Variants in PPME1 observed in about 807,000 individuals in gnomAD.
PPME1 encodes the protein testicular secretory protein Li 39.
A neutral mutation model predicts 56.9 loss-of-function variants in PPME1; 17 were observed. That is an observed-to-expected ratio of 0.30 (90% CI 0.20 to 0.45). The LOEUF (loss-of-function observed/expected upper bound fraction) is 0.45. Among genes scored for constraint, PPME1 ranks in the 20% least tolerant of loss-of-function variants. PPME1 has a pLI of 1.00. For missense variants in PPME1, 357 were observed against 483.2 expected (o/e 0.74, Z 2.45); for synonymous variants, 122 against 156.2 (o/e 0.78, Z 1.63).
At chr11:74,249,011 T>C (rs1859582408) in intron 11 of PPME1, 1 of 152,216 alleles carries the variant, frequency 6.6e-6, no homozygotes, top group Admixed American at 6.5e-5. Context: ...TACAGTTACA[T>C]GAAGTTTAAA....
intron 3 of PPME1, chr11:74,205,262 T>C (rs1206903211): frequency 1.3e-5 from 2 of 152,258 alleles, no homozygotes; most frequent in Non-Finnish European, 2.9e-5. Context: ...ATTTGGCTAA[T>C]GATACTGTGG....
intron 9 of PPME1, among the ~76,000 whole-genome samples, chr11:74,244,583 A>G (rs986830573): frequency 1.3e-5 from 2 of 152,186 alleles, no homozygotes; most frequent in African/African-American, 4.8e-5. Context: ...ATGTCTATTC[A>G]AGCCCTTTGA....
chr11:74,226,772 CA>C (rs1858941470), intron 5 of PPME1, among the ~76,000 whole-genome samples: 1 of 152,010 alleles, frequency 6.6e-6, no homozygotes, highest in African/African-American at 2.4e-5. Flanking sequence ...AAAGAGAAAC[CA>C]TGTAGTAATT....
At position 74,201,931 on chromosome 11, in the gene PPME1, A is replaced by G. The variant is rs190127265; in HGVS notation, c.102-1797A>G. Among the ~76,000 whole-genome samples the G allele has an allele frequency of 3.8e-3, 582 of 152,262 alleles. 3 individuals carry two copies. Among genetic ancestry groups the G allele is most frequent in the Non-Finnish European group, 6.5e-3 (442 of 67,998 alleles). ...TCTAAGTTCTGCTTTTAGTTTTCCC[A>G]TAGGATTTCAAGTGCAACCAGAAAA... is the stretch of plus-strand genomic sequence containing the variant. On this transcript the variant is annotated intron_variant, in intron 1 of 13. Transcript: ENST00000328257.
chr11:74,183,126 A>G (rs1029884282), intron 1 of PPME1, among the ~76,000 whole-genome samples: 1 of 152,086 alleles, frequency 6.6e-6, no homozygotes, highest in African/African-American at 2.4e-5. Context: ...GTGAGACCAC[A>G]TCGCTACAAA....
intron 3 of PPME1, among the ~76,000 whole-genome samples, chr11:74,216,790 T>C (rs1040107061): frequency 6.6e-6 from 1 of 152,004 alleles, no homozygotes; most frequent in African/African-American, 2.4e-5. Flanking sequence ...AAAGGAGACA[T>C]TGCACCTGAT....
At chr11:74,220,579 C>T (rs1050837012) in intron 3 of PPME1, among the ~76,000 whole-genome samples, 15 of 152,140 alleles carry the variant, frequency 9.9e-5, no homozygotes, top group Admixed American at 9.8e-4. Context: ...CTTAATCTCT[C>T]TGTAAAATGC....
chr11:74,183,918 A>C (rs1857604330), intron 1 of PPME1, among the ~76,000 whole-genome samples: 1 of 152,204 alleles, frequency 6.6e-6, no homozygotes, highest in Non-Finnish European at 1.5e-5. Context: ...ACATTTTCCC[A>C]ATAGCAATAG....
chr11:74,239,382 A>G (rs1464523839), intron 9 of PPME1, 126 bp downstream of exon 9: 24 of 1,379,610 alleles, frequency 1.7e-5, no homozygotes, highest in Non-Finnish European at 2.2e-5. Flanking sequence ...CCAAGACACT[A>G]TCATAAGAGA....
chr11:74,214,519 G>T (rs1005290909), intron 3 of PPME1, among the ~76,000 whole-genome samples: 2 of 151,808 alleles, frequency 1.3e-5, no homozygotes, highest in African/African-American at 4.8e-5. Context: ...CTACCTCAAG[G>T]CATTTAATAA....
intron 3 of PPME1, among the ~76,000 whole-genome samples, chr11:74,213,007 A>G (rs1207843851): frequency 6.6e-6 from 1 of 152,142 alleles, no homozygotes; most frequent in Admixed American, 6.5e-5. Flanking sequence ...GTTAGGTGCC[A>G]GTGGGGTAGA....
intron 1 of PPME1, among the ~76,000 whole-genome samples, chr11:74,199,429 G>A (rs12789217): frequency 6.6e-5 from 10 of 152,074 alleles, no homozygotes; most frequent in Admixed American, 1.3e-4. Context: ...CCTTATACAC[G>A]TAATAGGTTC....
Position 74,180,604 on chromosome 11 carries a change from A to C in PPME1, c.101+9082A>C, listed in dbSNP as rs567124725. The stretch of plus-strand genomic sequence containing the variant: ...GAGATTTAAAATAATTATATGGTCG[A>C]AACTCTTGTAATAGGTCTTGTAATA... On this transcript the variant is annotated intron_variant, in intron 1 of 13. Transcript: ENST00000328257. 1.2e-4 allele frequency among the ~76,000 whole-genome samples: 19 copies of C among 152,348 alleles called. No individual in the cohort carries two copies. In the South Asian group the frequency reaches 3.7e-3, roughly 30 times the overall value.
chr11:74,235,214 G>A (rs190346364), intron 7 of PPME1, among the ~76,000 whole-genome samples: 109 of 152,300 alleles, frequency 7.2e-4, no homozygotes, highest in African/African-American at 2.5e-3. Flanking sequence ...TGGGAATGCA[G>A]TCATTTTGCT....
chr11:74,188,130 G>C (rs1857735677), intron 1 of PPME1, among the ~76,000 whole-genome samples: 1 of 151,856 alleles, frequency 6.6e-6, no homozygotes, highest in Non-Finnish European at 1.5e-5. Context: ...ATTGCTTATA[G>C]GCCTTTGTAG....
At chr11:74,180,749 T>C (rs1183453764) in intron 1 of PPME1, among the ~76,000 whole-genome samples, 3 of 152,246 alleles carry the variant, frequency 2.0e-5, no homozygotes, top group African/African-American at 4.8e-5. Context: ...TCCACTATTA[T>C]AAGACAGCAA....
chr11:74,177,698 G>GA (rs889521195), intron 1 of PPME1, among the ~76,000 whole-genome samples: 2 of 151,896 alleles, frequency 1.3e-5, no homozygotes, highest in Non-Finnish European at 2.9e-5. Flanking sequence ...ACTAGTGCCA[G>GA]AAAAAAATCC....
At chr11:74,182,956 A>G (rs937264795) in intron 1 of PPME1, among the ~76,000 whole-genome samples, 3 of 151,490 alleles carry the variant, frequency 2.0e-5, no homozygotes, top group African/African-American at 7.3e-5. Context: ...CAGGAGTTCA[A>G]GACCAACCTG....
rs548450354 is a variant in PPME1, at chr11:74,197,107, C to G, written c.102-6621C>G. Reference sequence around the variant, plus strand: ...ACTTTTGATTGTATTTAGGTGATCTCTATGTCTGTTCTTATACCTGTACCA... The same window carrying G: ...ACTTTTGATTGTATTTAGGTGATCTGTATGTCTGTTCTTATACCTGTACCA... On this transcript the variant is annotated intron_variant, in intron 1 of 13. Coordinates refer to ENST00000328257, the MANE Select transcript of PPME1 (RefSeq NM_016147.3). Among the ~76,000 whole-genome samples the G allele has an allele frequency of 2.0e-5, 3 of 152,290 alleles. No homozygotes were observed. The South Asian group carries it at 6.2e-4, about 32-fold the overall frequency.
Sources: gnomAD v4.1 joint callset for allele counts (sites outside exome capture counted in the v4.1 genomes callset) on GRCh38, gnomAD v4.1.1 for gene constraint, MANE v1.5 for transcripts, NCBI Gene and HGNC (gene_info 2026-07-23, HGNC 2026-07-21) for gene names.